Variants in KIF21A observed in about 807,000 individuals in gnomAD.
KIF21A encodes the protein kinesin family member 21A.
KIF21A carries 114 observed loss-of-function variants against 202.9 expected under a neutral mutation model. That is an observed-to-expected ratio of 0.56 (90% confidence interval 0.48 to 0.66). The LOEUF (loss-of-function observed/expected upper bound fraction) is 0.66, where lower values mean the gene tolerates loss of function less well. Ranked by LOEUF, KIF21A falls within the 30% of genes least tolerant of loss-of-function variation. The pLI, the probability that KIF21A is intolerant of heterozygous loss-of-function variation, is 0.00. For synonymous variants in KIF21A, 667 were observed against 670.8 expected, an observed-to-expected ratio of 0.99 and a Z score of 0.09; for missense variants, 1,677 against 1,994.9, an observed-to-expected ratio of 0.84 and a Z score of 3.04.
intron 1 of KIF21A, among the ~76,000 whole-genome samples, chr12:39,376,306 C>G (rs1346935560): frequency 6.6e-6 from 1 of 152,078 alleles, no homozygotes; most frequent in African/African-American, 2.4e-5. Flanking sequence ...TTAGCCTTTT[C>G]ATAGTAATAA....
Position 39,332,338 on chromosome 12 carries a change from C to T in KIF21A, c.2927G>A (p.Gly976Glu), listed in dbSNP as rs1308444424. Residue 976 changes from glycine (G) to glutamate (E), a missense_variant, in exon 21 of 38, where the codon GGA becomes GAA. Transcript: ENST00000361418. ...ATTAGCCACATTTTTATCTCCCTCT[C>T]CATTCTCCTTGACTATCTTCTCCCT... ...KRREKIVKEN[G>E]EGDKNVANIN... 3 of 1,613,792 alleles carry T rather than the reference C, an allele frequency of 1.9e-6. No homozygotes were observed. In the Admixed American group the frequency reaches 5.0e-5, roughly 27 times the overall value.
chr12:39,413,594 T>C (rs563270305), intron 1 of KIF21A, among the ~76,000 whole-genome samples: 4 of 152,260 alleles, frequency 2.6e-5, no homozygotes, highest in African/African-American at 9.6e-5. Context: ...AACTGTGAAA[T>C]AGGAACTAAA....
chr12:39,381,964 G>A (rs1193986617), intron 1 of KIF21A, among the ~76,000 whole-genome samples: 4 of 152,214 alleles, frequency 2.6e-5, no homozygotes, highest in Non-Finnish European at 4.4e-5. Context: ...CTATGTTTAA[G>A]AGCTGAGTAA....
intron 12 of KIF21A, among the ~76,000 whole-genome samples, chr12:39,342,584 T>C (rs1438461450): frequency 6.6e-6 from 1 of 152,176 alleles, no homozygotes; most frequent in African/African-American, 2.4e-5. Flanking sequence ...AAAGTTCCAG[T>C]TTAAATCTGC....
chr12:39,391,900 G>A (rs934566613), intron 1 of KIF21A, among the ~76,000 whole-genome samples: 2 of 151,866 alleles, frequency 1.3e-5, no homozygotes, highest in Non-Finnish European at 1.5e-5. Context: ...CATTACACCC[G>A]GCTAATTTTT....
chr12:39,326,992 G>A (rs1946003731), intron 24 of KIF21A, among the ~76,000 whole-genome samples: 1 of 151,720 alleles, frequency 6.6e-6, no homozygotes, highest in Non-Finnish European at 1.5e-5. Context: ...AAAGGGAGAA[G>A]AATTAAACAT....
At chr12:39,340,009 A>C (rs1327266356) in intron 16 of KIF21A, among the ~76,000 whole-genome samples, 156 bp downstream of exon 16, 1 of 152,216 alleles carries the variant, frequency 6.6e-6, no homozygotes, top group Non-Finnish European at 1.5e-5. Flanking sequence ...AATGACTATT[A>C]GAAACAACTT....
chr12:39,439,012 A>G (rs1211069990), intron 1 of KIF21A, among the ~76,000 whole-genome samples: 2 of 152,176 alleles, frequency 1.3e-5, no homozygotes, highest in Admixed American at 1.3e-4. Flanking sequence ...TCAACTTACC[A>G]CATTTCCTAG....
intron 31 of KIF21A, chr12:39,312,946 T>C (rs1005916683): frequency 2.0e-5 from 3 of 151,958 alleles, no homozygotes; most frequent in African/African-American, 7.2e-5. Flanking sequence ...ATGTCCATTA[T>C]GTAAGACAAA....
At chr12:39,395,616 C>T (rs570362274) in intron 1 of KIF21A, among the ~76,000 whole-genome samples, 2 of 151,950 alleles carry the variant, frequency 1.3e-5, no homozygotes, top group East Asian at 3.9e-4. Flanking sequence ...CTGAGGCGGG[C>T]GGGTCTCCTG....
intron 24 of KIF21A, among the ~76,000 whole-genome samples, chr12:39,327,778 A>G (rs1946099864): frequency 6.6e-6 from 1 of 152,198 alleles, no homozygotes; most frequent in East Asian, 1.9e-4. Flanking sequence ...GCAGCAGGAC[A>G]CACAAACAAC....
chr12:39,358,458 A>C (rs1364852994), intron 7 of KIF21A, 85 bp from the exon 8 acceptor site: 4 of 1,240,602 alleles, frequency 3.2e-6, no homozygotes, highest in African/African-American at 1.5e-5. Flanking sequence ...TAACATTTGA[A>C]TAGTATCTTC....
At chr12:39,383,448 C>CT (rs1803564783) in intron 1 of KIF21A, among the ~76,000 whole-genome samples, 1 of 152,168 alleles carries the variant, frequency 6.6e-6, no homozygotes, top group South Asian at 2.1e-4. Flanking sequence ...ATATTTGAGA[C>CT]TAACTATAAA....
intron 1 of KIF21A, among the ~76,000 whole-genome samples, chr12:39,375,700 C>T (rs1268077289): frequency 1.3e-5 from 2 of 151,994 alleles, no homozygotes; most frequent in Admixed American, 6.6e-5. Context: ...AGTCTCCAAT[C>T]GGGAGTTTTG....
chr12:39,347,954 C>G lies in KIF21A; in HGVS notation c.1674-1450G>C, dbSNP rs112924417. 2.0e-3 allele frequency among the ~76,000 whole-genome samples: 311 copies of G among 152,150 alleles called. 4 individuals are homozygous for G. The highest frequency in any genetic ancestry group is 7.2e-3 in the African/African-American group (299 of 41,554). ...AAAAACTTTTATGTCTACTCTACGC[C>G]TATACTAATGATAACGAGCTACAAT... is the stretch of plus-strand genomic sequence containing the variant. On this transcript the variant is annotated intron_variant, in intron 11 of 37. Transcript: ENST00000361418.
intron 1 of KIF21A, among the ~76,000 whole-genome samples, chr12:39,391,960 G>C (rs1303640464): frequency 6.6e-6 from 1 of 151,990 alleles, no homozygotes; most frequent in Non-Finnish European, 1.5e-5. Context: ...AGCTGGTCTT[G>C]AACTCCTGAC....
At position 39,311,344 on chromosome 12, in the gene KIF21A, T is replaced by C. The variant is rs76672892; in HGVS notation, c.4096+73A>G. The C allele has an allele frequency of 0.013, 17,267 of 1,378,958 alleles. 1,739 individuals are homozygous for C. In the African/African-American group the frequency reaches 0.22, roughly 18 times the overall value. 85.4% of individuals were successfully genotyped at this position (1,378,958 alleles called of 1,614,324 possible). A position where few individuals can be genotyped will look rare whatever the true frequency, so the allele number is the denominator to read the frequency against. ...GGTCTTAAATAGTTTGACAGTTTTC[T>C]AGAATATGTTAAAAATGTAATTTTT... On this transcript the variant is annotated intron_variant, in intron 32 of 37. Coordinates refer to ENST00000361418, the MANE Select transcript of KIF21A (RefSeq NM_001173464.2).
At chr12:39,431,309 T>A (rs1446783424) in intron 1 of KIF21A, among the ~76,000 whole-genome samples, 1 of 152,168 alleles carries the variant, frequency 6.6e-6, no homozygotes, top group Non-Finnish European at 1.5e-5. Context: ...CAAGTTTCCC[T>A]CTCCACAGAG....
chr12:39,303,461 C>T (rs1943156456), intron 35 of KIF21A, among the ~76,000 whole-genome samples: 1 of 151,970 alleles, frequency 6.6e-6, no homozygotes, highest in South Asian at 2.1e-4. Flanking sequence ...ATGGCACCAG[C>T]TCTTAATTAT....
Sources: gnomAD v4.1 joint callset for allele counts (sites outside exome capture counted in the v4.1 genomes callset) on GRCh38, gnomAD v4.1.1 for gene constraint, MANE v1.5 for transcripts, NCBI Gene and HGNC (gene_info 2026-07-23, HGNC 2026-07-21) for gene names.